Variants in LARP1B observed in about 807,000 individuals in gnomAD.
LARP1B encodes the protein la-related protein 1B.
In LARP1B, 76 loss-of-function variants were observed where a neutral mutation model predicts 114.2. The ratio of observed to expected loss-of-function variants is 0.67; its 90% CI spans 0.55 to 0.81. The LOEUF (loss-of-function observed/expected upper bound fraction) is 0.81. Among genes scored for constraint, LARP1B ranks in the 30% least tolerant of loss-of-function variants. LARP1B has a pLI of 0.00. For synonymous variants in LARP1B, 345 were observed against 348.0 expected, an observed-to-expected ratio of 0.99 and a Z score of 0.10; for missense variants, 1,014 against 1,075.8, an observed-to-expected ratio of 0.94 and a Z score of 0.80.
At chr4:128,073,563 A>T (rs1338722886) in intron 1 of LARP1B, among the ~76,000 whole-genome samples, 2 of 57,950 alleles carry the variant, frequency 3.5e-5, no homozygotes, top group African/African-American at 1.2e-4. Context: ...CTCCTGTTAT[A>T]TTGTTGTCGT....
At chr4:128,089,542 G>T (rs1775041007) in intron 5 of LARP1B, among the ~76,000 whole-genome samples, 1 of 152,080 alleles carries the variant, frequency 6.6e-6, no homozygotes, top group South Asian at 2.1e-4. Flanking sequence ...TGCCATGTCG[G>T]CCAGGCTGGT....
chr4:128,185,463 C>T (rs1750000479), intron 15 of LARP1B, among the ~76,000 whole-genome samples: 1 of 150,778 alleles, frequency 6.6e-6, no homozygotes, highest in Admixed American at 6.6e-5. Context: ...TACCTGTTGT[C>T]CAGTTGATGT....
intron 1 of LARP1B, 161 bp downstream of exon 1, chr4:128,061,562 G>A (rs1479053886): frequency 1.1e-5 from 6 of 532,012 alleles, no homozygotes; most frequent in Non-Finnish European, 1.4e-5. Flanking sequence ...GGCGGCAGCG[G>A]CGGCCACGGC....
chr4:128,166,966 CTCTCTATATATA>C (rs1561470785), intron 12 of LARP1B, among the ~76,000 whole-genome samples: 2 of 87,856 alleles, frequency 2.3e-5, no homozygotes, highest in African/African-American at 4.7e-5. Context: ...CTCTCTCTCT[CTCTCTATATATA>C]TATATATATA....
At chr4:128,151,605 A>T (rs1732814053) in intron 11 of LARP1B, among the ~76,000 whole-genome samples, 1 of 151,510 alleles carries the variant, frequency 6.6e-6, no homozygotes, top group East Asian at 1.9e-4. Flanking sequence ...GCTTCAGGTT[A>T]AGATTTTTTT....
chr4:128,071,078 G>T (rs1001766325), intron 1 of LARP1B, among the ~76,000 whole-genome samples: 1 of 151,062 alleles, frequency 6.6e-6, no homozygotes, highest in African/African-American at 2.4e-5. Flanking sequence ...ACAGAGTCTC[G>T]CTCTGTCGCC....
chr4:128,077,671 G>A (rs1471769677), intron 3 of LARP1B, 117 bp from the exon 4 acceptor site: 2 of 1,101,324 alleles, frequency 1.8e-6, no homozygotes, highest in South Asian at 4.8e-5. Flanking sequence ...TTTTGCCTTT[G>A]ATAACAGTTT....
intron 8 of LARP1B, 115 bp downstream of exon 8, chr4:128,098,445 A>G: frequency 1.3e-6 from 1 of 753,624 alleles, no homozygotes; most frequent in Non-Finnish European, 2.1e-6. Context: ...CTTGAGGCTC[A>G]GACAGCATTC....
chr4:128,092,862 CT>C (rs971734290), intron 7 of LARP1B: 17 of 985,392 alleles, frequency 1.7e-5, no homozygotes, highest in Non-Finnish European at 1.9e-5. Flanking sequence ...CTATTACTGT[CT>C]TTTTTGTAAC....
At chr4:128,140,534 G>A (rs1282678833) in intron 11 of LARP1B, among the ~76,000 whole-genome samples, 5 of 152,038 alleles carry the variant, frequency 3.3e-5, no homozygotes, top group South Asian at 2.1e-4. Context: ...TAATTACTAC[G>A]TAAGTCAGAA....
rs184660352 is a variant in LARP1B at position 128,177,517 on chromosome 4, A to T, written c.1684+610A>T. Among the ~76,000 whole-genome samples the T allele has an allele frequency of 9.2e-5, 14 of 152,076 alleles. No homozygotes were observed. In the East Asian group the frequency reaches 1.7e-3, roughly 19 times the overall value. On this transcript the variant is annotated intron_variant, in intron 13 of 19. Transcript: ENST00000326639. Reference sequence around the variant, plus strand: ...AAATCAGTAAGTAAAATAACCGAATAAAAAAAACAGTCAAAGGATTTGAAT... The same window carrying T: ...AAATCAGTAAGTAAAATAACCGAATTAAAAAAACAGTCAAAGGATTTGAAT...
In LARP1B at chr4:128,136,326, AAAC is replaced by A. The variant is rs1561365001; in HGVS notation, c.1524+14141_1524+14143del. ...AATAACAGTCTCAAGAAAAACAAAA[AAAC>A]AAAAAAACAAAACAAAAAACAAAAA... On this transcript the variant is annotated intron_variant, in intron 11 of 19. Transcript: ENST00000326639. Among the ~76,000 whole-genome samples, 830 of 151,834 alleles carry A rather than the reference AAAC, an allele frequency of 5.5e-3. 6 individuals are homozygous for A. The highest frequency in any genetic ancestry group is 0.019 in the African/African-American group (781 of 41,336).
chr4:128,099,989 T>C (rs1202680530), intron 8 of LARP1B, among the ~76,000 whole-genome samples: 1 of 151,548 alleles, frequency 6.6e-6, no homozygotes, highest in Non-Finnish European at 1.5e-5. Flanking sequence ...AGTTTTGCTC[T>C]TGTTGCCCAG....
At chr4:128,100,360 C>T (rs187464744) in intron 8 of LARP1B, among the ~76,000 whole-genome samples, 1 of 152,156 alleles carries the variant, frequency 6.6e-6, no homozygotes, top group East Asian at 1.9e-4. Context: ...GCAACCTCCA[C>T]CTCCTGGGTT....
In LARP1B at chr4:128,121,853, T is replaced by C. The variant is rs1036425871; in HGVS notation, c.1189T>C (p.Leu397=). The C allele has an allele frequency of 1.3e-6, 2 of 1,599,624 alleles. No individual in the cohort carries two copies. Among genetic ancestry groups the C allele is most frequent in the Non-Finnish European group, 1.7e-6 (2 of 1,173,526 alleles). ...RESVSVPEGS[L]NQLCSSEEPE... ...ATCAGTGTCTGTCCCTGAAGGGTCA[T>C]TAAATCAGCTATGTTCTTCAGAAGA... is the stretch of plus-strand genomic sequence containing the variant. Residue 397 remains leucine (L), a synonymous_variant, in exon 11 of 20, where the codon TTA becomes CTA. Coordinates refer to ENST00000326639, the MANE Select transcript of LARP1B (RefSeq NM_018078.4).
chr4:128,129,560 C>T (rs967021136), intron 11 of LARP1B, among the ~76,000 whole-genome samples: 1 of 151,948 alleles, frequency 6.6e-6, no homozygotes, highest in Non-Finnish European at 1.5e-5. Flanking sequence ...GCAAAAAACA[C>T]CTAAAAAACC....
rs934050878 is a variant in LARP1B at position 128,108,733 on chromosome 4, A to C, written c.988+1420A>C. The C allele has an allele frequency of 1.6e-4, 158 of 985,306 alleles. No homozygotes were observed. The African/African-American group carries it at 2.3e-3, about 15-fold the overall frequency. The allele number at this position is 985,306 out of a possible 1,614,324, so 61.0% of individuals were successfully genotyped here. A position where few individuals can be genotyped will look rare whatever the true frequency, so the allele number is the denominator to read the frequency against. On this transcript the variant is annotated intron_variant, in intron 9 of 19. Coordinates refer to ENST00000326639, the MANE Select transcript of LARP1B (RefSeq NM_018078.4). Reference sequence around the variant, plus strand: ...TATTTATGATATCAACTTGGGTCCAAGATGATAGTTTTAGCTAGCTTATGA... The same window carrying C: ...TATTTATGATATCAACTTGGGTCCACGATGATAGTTTTAGCTAGCTTATGA...
At chr4:128,149,384 G>A (rs751360427) in intron 11 of LARP1B, among the ~76,000 whole-genome samples, 1 of 151,780 alleles carries the variant, frequency 6.6e-6, no homozygotes, top group African/African-American at 2.4e-5. Context: ...TATATGTGAG[G>A]CATTAACCTA....
At chr4:128,139,665 C>G (rs1007125275) in intron 11 of LARP1B, among the ~76,000 whole-genome samples, 6 of 151,500 alleles carry the variant, frequency 4.0e-5, no homozygotes, top group African/African-American at 1.5e-4. Flanking sequence ...CACACACACA[C>G]ACACACAAAA....
Sources: gnomAD v4.1 joint callset for allele counts (sites outside exome capture counted in the v4.1 genomes callset) on GRCh38, gnomAD v4.1.1 for gene constraint, MANE v1.5 for transcripts, NCBI Gene and HGNC (gene_info 2026-07-23, HGNC 2026-07-21) for gene names.